PMF1: variants seen among roughly 807,000 people sequenced by gnomAD.
The protein encoded by PMF1 is polyamine-modulated factor 1.
In PMF1, 21 loss-of-function variants were observed where a neutral mutation model predicts 26.7. That is an observed-to-expected ratio of 0.79 (90% confidence interval 0.56 to 1.13). The LOEUF (loss-of-function observed/expected upper bound fraction) is 1.13, where lower values mean the gene tolerates loss of function less well. Ranked by LOEUF, PMF1 falls within the 50% of genes most tolerant of loss-of-function variation. The pLI is 0.00. For missense variants in PMF1, 266 were observed against 254.9 expected (o/e 1.04, Z -0.30); for synonymous variants, 105 against 101.0 (o/e 1.04, Z -0.24).
intron 1 of PMF1, among the ~76,000 whole-genome samples, chr1:156,218,625 CA>C (rs1340208270): frequency 6.6e-6 from 1 of 151,750 alleles, no homozygotes. Context: ...ACTAAAAATA[CA>C]AAAAAATTAG....
At position 156,239,558 on chromosome 1, in the gene PMF1, G is replaced by A; in HGVS notation, c.575G>A (p.Arg192Lys). 1 of 1,613,224 alleles carries A rather than the reference G, an allele frequency of 6.2e-7. No homozygotes were observed. Among genetic ancestry groups the A allele is most frequent in the South Asian group, 1.1e-5 (1 of 90,974 alleles). ...TCCCATTGATTTCAGGCTCTACACA[G>A]AGAACAGAGGGAGCTGGTTGCTGTG... is the stretch of plus-strand genomic sequence containing the variant. ...AQQQAWQALH[R>K]EQRELVAVLR... Residue 192 changes from arginine to lysine, a missense_variant, in exon 5 of 5, where the codon AGA becomes AAA. Physicochemically the swap from Arg to Lys is conservative, Grantham distance 26. Transcript: ENST00000368277.
intron 1 of PMF1, among the ~76,000 whole-genome samples, chr1:156,226,572 T>C (rs922006581): frequency 1.3e-5 from 2 of 152,260 alleles, no homozygotes; most frequent in Non-Finnish European, 2.9e-5. Context: ...TGAGGACTGT[T>C]ATTTTGAGAT....
At chr1:156,224,703 G>A (rs1308027764) in intron 1 of PMF1, among the ~76,000 whole-genome samples, 1 of 151,762 alleles carries the variant, frequency 6.6e-6, no homozygotes, top group African/African-American at 2.4e-5. Context: ...GGCGGAGCTT[G>A]TAGTGAGCCG....
intron 2 of PMF1, among the ~76,000 whole-genome samples, chr1:156,232,786 C>T (rs577026394): frequency 6.6e-6 from 1 of 151,992 alleles, no homozygotes; most frequent in East Asian, 1.9e-4. Flanking sequence ...GCCTCAAACT[C>T]TGGGCTCAAG....
chr1:156,224,093 G>A (rs1658226706), intron 1 of PMF1, among the ~76,000 whole-genome samples: 1 of 152,148 alleles, frequency 6.6e-6, no homozygotes, highest in Non-Finnish European at 1.5e-5. Flanking sequence ...TTCAAAGGAA[G>A]AAGCTAAACA....
In PMF1 at chr1:156,214,765, TAATG is replaced by T. The variant is rs977540753; in HGVS notation, c.161+1592_161+1595del. On this transcript the variant is annotated intron_variant, in intron 1 of 4. Coordinates refer to ENST00000368277, the MANE Select transcript of PMF1 (RefSeq NM_007221.4). ...CTCTAAAAAAGAAAAAAAAAAAAGA[TAATG>T]AACAGGTAATGATACCACTAGATAG... Among the ~76,000 whole-genome samples the T allele has an allele frequency of 8.6e-5, 13 of 151,482 alleles. No individual in the cohort carries two copies. In the East Asian group the frequency reaches 9.7e-4, roughly 11 times the overall value.
rs1434280416 is a variant in PMF1, at chr1:156,213,191, G to A, written c.161+15G>A. 2 of 1,611,094 alleles carry A rather than the reference G, an allele frequency of 1.2e-6. No homozygotes were observed. Among genetic ancestry groups the A allele is most frequent in the Non-Finnish European group, 8.5e-7 (1 of 1,177,782 alleles). ...GCCGCCGGCAGGTAAAGTGGACGCA[G>A]CCGCGGTGGGAGTGTTTGTTGGCAC... is the stretch of plus-strand genomic sequence containing the variant. On this transcript the variant is annotated intron_variant, in intron 1 of 4. Transcript: ENST00000368277.
intron 1 of PMF1, among the ~76,000 whole-genome samples, chr1:156,227,929 CTA>C (rs1266661073): frequency 1.4e-5 from 2 of 139,126 alleles, no homozygotes; most frequent in Non-Finnish European, 1.5e-5. Flanking sequence ...CTGCACCTGA[CTA>C]TGATTTTTTT....
In PMF1 at chr1:156,233,622, C is replaced by A; in HGVS notation, c.268-6C>A. 1 of 1,613,152 alleles carries A rather than the reference C, an allele frequency of 6.2e-7. No individual in the cohort carries two copies. The highest frequency in any genetic ancestry group is 1.1e-5 in the South Asian group (1 of 91,022). On this transcript the variant is annotated splice_polypyrimidine_tract_variant and splice_region_variant and intron_variant, in intron 2 of 4. Transcript: ENST00000368277. ...TCATTACAGCTCTTTCCTCCTTTCTCTTCAGGAGGAAATCTCTGACATCAA... is the reference window on the plus strand; with the variant it reads ...TCATTACAGCTCTTTCCTCCTTTCTATTCAGGAGGAAATCTCTGACATCAA...
At chr1:156,230,774 A>T (rs1658652044) in intron 1 of PMF1, among the ~76,000 whole-genome samples, 1 of 152,162 alleles carries the variant, frequency 6.6e-6, no homozygotes, top group African/African-American at 2.4e-5. Context: ...ATTTAAAATC[A>T]GGCTTGGCTG....
At chr1:156,236,153 C>G (rs1261709479) in intron 3 of PMF1, 135 bp from the exon 4 acceptor site, 39 of 1,198,308 alleles carry the variant, frequency 3.3e-5, no homozygotes, top group Non-Finnish European at 4.4e-5. Context: ...TGAGAGGGAC[C>G]ACAGGAGAGA....
intron 2 of PMF1, among the ~76,000 whole-genome samples, chr1:156,233,214 C>T (rs1377897208): frequency 2.0e-5 from 3 of 151,972 alleles, no homozygotes; most frequent in East Asian, 1.9e-4. Context: ...AGTGCAGTGG[C>T]GCAATCTCGG....
intron 1 of PMF1, among the ~76,000 whole-genome samples, chr1:156,228,256 A>ATTTTTTTTTTTTTTTTTTTTTTT (rs772709878): frequency 3.0e-5 from 1 of 33,546 alleles, no homozygotes; most frequent in African/African-American, 1.0e-4. Flanking sequence ...GCACCTGGCG[A>ATTTTTTTTTTTTTTTTTTTTTTT]TTTTTTTTTT....
chr1:156,213,262 C>T (rs1284093294), intron 1 of PMF1, 86 bp downstream of exon 1: 35 of 1,551,536 alleles, frequency 2.3e-5, no homozygotes, highest in Non-Finnish European at 3.1e-5. Context: ...GGCTGGCGCG[C>T]GGTGACGTGG....
At chr1:156,235,419 C>T (rs1477882499) in intron 3 of PMF1, among the ~76,000 whole-genome samples, 2 of 146,052 alleles carry the variant, frequency 1.4e-5, no homozygotes, top group Non-Finnish European at 3.0e-5. Context: ...CCACCGCGCT[C>T]AGCCATTGAA....
intron 4 of PMF1, among the ~76,000 whole-genome samples, chr1:156,237,462 T>TTC (rs1659090508): frequency 6.7e-6 from 1 of 150,100 alleles, no homozygotes; most frequent in East Asian, 1.9e-4. Flanking sequence ...TTTTTTTTTT[T>TTC]TTTAGACAGA....
intron 4 of PMF1, chr1:156,236,811 G>A (rs975515383): frequency 5.6e-6 from 2 of 355,726 alleles, no homozygotes; most frequent in East Asian, 4.5e-5. Flanking sequence ...CCTGGTGCTG[G>A]TTCTACTGCT....
At chr1:156,222,523 C>T (rs947627156) in intron 1 of PMF1, among the ~76,000 whole-genome samples, 1 of 152,216 alleles carries the variant, frequency 6.6e-6, no homozygotes, top group Non-Finnish European at 1.5e-5. Context: ...GCCAGGATTA[C>T]AGGCATGAGC....
At chr1:156,228,957 G>A (rs1321820701) in intron 1 of PMF1, among the ~76,000 whole-genome samples, 1 of 152,130 alleles carries the variant, frequency 6.6e-6, no homozygotes, top group Non-Finnish European at 1.5e-5. Flanking sequence ...CGCCCAGGCT[G>A]GAGTGCAGTG....
Sources: gnomAD v4.1 joint callset for allele counts (sites outside exome capture counted in the v4.1 genomes callset) on GRCh38, gnomAD v4.1.1 for gene constraint, MANE v1.5 for transcripts, NCBI Gene and HGNC (gene_info 2026-07-23, HGNC 2026-07-21) for gene names.